The following RABGAP1L variants were observed in gnomAD, a reference collection of about 807,000 sequenced individuals.
RABGAP1L encodes rab GTPase-activating protein 1-like.
Under a neutral mutation model 137.7 loss-of-function variants are expected in RABGAP1L, and 63 were observed. The observed-to-expected ratio is 0.46, with a 90% confidence interval of 0.37 to 0.56. The LOEUF is 0.56. Ranked by LOEUF, RABGAP1L falls within the 20% of genes least tolerant of loss-of-function variation. The pLI is 0.00. For synonymous variants in RABGAP1L, 431 were observed against 433.7 expected (o/e 0.99, Z 0.08); for missense variants, 1,095 against 1,244.0 (o/e 0.88, Z 1.80).
intron 13 of RABGAP1L, among the ~76,000 whole-genome samples, chr1:174,536,897 T>C (rs1352786756): frequency 6.6e-6 from 1 of 152,172 alleles, no homozygotes; most frequent in Non-Finnish European, 1.5e-5. Context: ...TGGATGTTTA[T>C]TTTACATTTT....
intron 19 of RABGAP1L, among the ~76,000 whole-genome samples, chr1:174,856,442 G>C (rs1020927524): frequency 6.6e-6 from 1 of 150,936 alleles, no homozygotes; most frequent in East Asian, 1.9e-4. Context: ...GACAACTTGT[G>C]CTCTTATTTT....
chr1:174,737,338 A>G (rs1464858457), intron 17 of RABGAP1L, among the ~76,000 whole-genome samples: 1 of 152,196 alleles, frequency 6.6e-6, no homozygotes, highest in Non-Finnish European at 1.5e-5. Context: ...ACAAATCCCT[A>G]GGACTCAGAC....
At position 174,457,477 on chromosome 1, in the gene RABGAP1L, CTTTTTTT is replaced by C. The variant is rs746968960; in HGVS notation, c.1710+63348_1710+63354del. ...CATGTTCTACCAACTCAGGCATCAT[CTTTTTTT>C]TTTTTTTTTTTTTTTGAGATGGAGT... is the stretch of plus-strand genomic sequence containing the variant. On this transcript the variant is annotated intron_variant, in intron 13 of 25. Transcript: ENST00000681986. 7.4e-5 allele frequency among the ~76,000 whole-genome samples: 8 copies of C among 107,496 alleles called. No individual in the cohort carries two copies. The East Asian group carries it at 1.8e-3, about 24-fold the overall frequency. 70.5% of individuals were successfully genotyped at this position (107,496 alleles called of 152,430 possible).
At chr1:174,170,640 A>G (rs186593497) in intron 1 of RABGAP1L, among the ~76,000 whole-genome samples, 13 of 143,212 alleles carry the variant, frequency 9.1e-5, no homozygotes, top group African/African-American at 2.9e-4. Context: ...GCGCCACTGC[A>G]CTCCAGCCTG....
intron 3 of RABGAP1L, among the ~76,000 whole-genome samples, chr1:174,225,750 TAGAA>T (rs1367120315): frequency 1.3e-5 from 2 of 152,192 alleles, no homozygotes; most frequent in East Asian, 1.9e-4. Flanking sequence ...ACCCCTGTGT[TAGAA>T]AGACAGGTTT....
intron 17 of RABGAP1L, among the ~76,000 whole-genome samples, chr1:174,745,924 T>G (rs1016104416): frequency 6.6e-6 from 1 of 152,198 alleles, no homozygotes; most frequent in Non-Finnish European, 1.5e-5. Context: ...AATTTGGTAA[T>G]TTGGTTTATT....
chr1:174,948,921 T>C (rs1329065298), intron 19 of RABGAP1L: 1 of 152,208 alleles, frequency 6.6e-6, no homozygotes, highest in African/African-American at 2.4e-5. Flanking sequence ...AATATATGTA[T>C]ATTCATTTTT....
chr1:174,632,346 T>A (rs572284387), intron 13 of RABGAP1L, among the ~76,000 whole-genome samples: 2 of 147,784 alleles, frequency 1.4e-5, no homozygotes, highest in East Asian at 3.9e-4. Context: ...CATTTCAACT[T>A]TGGTGAATCT....
At chr1:174,727,402 T>TTATAGGA (rs913107656) in intron 17 of RABGAP1L, among the ~76,000 whole-genome samples, 4 of 152,228 alleles carry the variant, frequency 2.6e-5, no homozygotes, top group Non-Finnish European at 5.9e-5. Context: ...TTATTGGTGG[T>TTATAGGA]TATAGGATAT....
At chr1:174,776,897 G>A (rs563775809) in intron 18 of RABGAP1L, among the ~76,000 whole-genome samples, 52 of 152,274 alleles carry the variant, frequency 3.4e-4, no homozygotes, top group African/African-American at 1.2e-3. Context: ...TTCTAATCCT[G>A]TATCCTTAAA....
intron 1 of RABGAP1L, among the ~76,000 whole-genome samples, chr1:174,195,861 A>T (rs1203424031): frequency 9.2e-6 from 1 of 109,058 alleles, no homozygotes. Flanking sequence ...TTTGAGACAG[A>T]GTCTTGCTCT....
chr1:174,170,671 CAAA>C (rs35800051), intron 1 of RABGAP1L, among the ~76,000 whole-genome samples: 10 of 85,346 alleles, frequency 1.2e-4, no homozygotes, highest in Non-Finnish European at 1.4e-4. Context: ...GACGCTGTTT[CAAA>C]AAAAAAAAAA....
At chr1:174,831,237 C>T (rs1163907620) in intron 19 of RABGAP1L, among the ~76,000 whole-genome samples, 1 of 148,116 alleles carries the variant, frequency 6.8e-6, no homozygotes, top group Non-Finnish European at 1.5e-5. Flanking sequence ...AAGAAAATAG[C>T]ACTTGAGAAT....
chr1:174,380,836 G>C (rs1480351029), intron 12 of RABGAP1L, among the ~76,000 whole-genome samples: 1 of 123,862 alleles, frequency 8.1e-6, no homozygotes, highest in East Asian at 2.3e-4. Context: ...GCTAGCTTTT[G>C]AATGTGTTTG....
chr1:174,775,909 T>A (rs1411664139), intron 18 of RABGAP1L, among the ~76,000 whole-genome samples: 2 of 152,212 alleles, frequency 1.3e-5, no homozygotes, highest in African/African-American at 4.8e-5. Context: ...AAGCTGTCAT[T>A]CAGAAGATGG....
In RABGAP1L at chr1:174,988,641, G is replaced by A. The variant is rs1671814808; in HGVS notation, c.2806G>A (p.Gly936Ser). The change falls in exon 25 of 26, where the codon GGT (glycine) becomes AGT (serine). Residue 936 changes from glycine (G) to serine (S), a missense_variant and splice_region_variant. Coordinates refer to ENST00000681986, the MANE Select transcript of RABGAP1L (RefSeq NM_001366446.1). ...TGGTTATCTCTTTTGGATACTTTAGGGTAAGATGATGGCATGCAAACACTG... is the reference window on the plus strand; with the variant it reads ...TGGTTATCTCTTTTGGATACTTTAGAGTAAGATGATGGCATGCAAACACTG... Reference protein sequence around the residue: ...ASKEELEVVKGKMMACKHCSD... With the variant: ...ASKEELEVVKSKMMACKHCSD... 6.5e-7 allele frequency: 1 copy of A among 1,535,924 alleles called. No individual in the cohort carries two copies.
chr1:174,433,578 A>C (rs1652894184), intron 13 of RABGAP1L, among the ~76,000 whole-genome samples: 1 of 152,140 alleles, frequency 6.6e-6, no homozygotes. Flanking sequence ...TATAACTGGC[A>C]TTTGATATGT....
chr1:174,844,147 G>T (rs1324358760), intron 19 of RABGAP1L, among the ~76,000 whole-genome samples: 15 of 147,104 alleles, frequency 1.0e-4, no homozygotes, highest in Non-Finnish European at 1.1e-4. Context: ...TGAGTAGGTT[G>T]CGAAAATTTT....
intron 13 of RABGAP1L, among the ~76,000 whole-genome samples, chr1:174,483,842 A>C (rs1659370640): frequency 6.6e-6 from 1 of 152,006 alleles, no homozygotes; most frequent in African/African-American, 2.4e-5. Context: ...AATCTTGGTT[A>C]TTGTAAATAA....
Sources: gnomAD v4.1 joint callset for allele counts (sites outside exome capture counted in the v4.1 genomes callset) on GRCh38, gnomAD v4.1.1 for gene constraint, MANE v1.5 for transcripts, NCBI Gene and HGNC (gene_info 2026-07-23, HGNC 2026-07-21) for gene names.